Variants in PTPRM observed in about 807,000 individuals in gnomAD.
PTPRM encodes protein tyrosine phosphatase receptor type M.
In PTPRM, 47 loss-of-function variants were observed where a neutral mutation model predicts 186.7. That is an observed-to-expected ratio of 0.25 (90% confidence interval 0.20 to 0.32). The LOEUF (loss-of-function observed/expected upper bound fraction) is 0.32, where lower values mean the gene tolerates loss of function less well. PTPRM is among the 10% of genes least tolerant of loss of function. PTPRM has a pLI of 1.00. For synonymous variants in PTPRM, 668 were observed against 674.9 expected (o/e 0.99, Z 0.16); for missense variants, 1,494 against 1,865.0 (o/e 0.80, Z 3.66).
In PTPRM at chr18:8,252,947, T is replaced by C. The variant is rs539768950; in HGVS notation, c.2567-280T>C. Among the ~76,000 whole-genome samples, 6 of 152,330 alleles carry C rather than the reference T, an allele frequency of 3.9e-5. No individual in the cohort carries two copies. The South Asian group carries it at 1.2e-3, about 32-fold the overall frequency. Reference sequence around the variant, plus strand: ...GTTTCAGGTTGAAACTTTCACAAACTTTAGCACTGGAAGGCTAAAGGGCTC... The same window carrying C: ...GTTTCAGGTTGAAACTTTCACAAACCTTAGCACTGGAAGGCTAAAGGGCTC... On this transcript the variant is annotated intron_variant, in intron 18 of 32. Transcript: ENST00000580170.
chr18:7,638,627 T>A (rs1267300331), intron 1 of PTPRM, among the ~76,000 whole-genome samples: 1 of 152,236 alleles, frequency 6.6e-6, no homozygotes, highest in African/African-American at 2.4e-5. Flanking sequence ...AAACATGAAG[T>A]ACTACATCAC....
intron 1 of PTPRM, among the ~76,000 whole-genome samples, chr18:7,727,262 G>T (rs2040568301): frequency 6.6e-6 from 1 of 152,098 alleles, no homozygotes. Context: ...GTGATCTAAG[G>T]ATCACCTCTG....
At chr18:8,023,934 A>C (rs1568203537) in intron 7 of PTPRM, among the ~76,000 whole-genome samples, 1 of 151,676 alleles carries the variant, frequency 6.6e-6, no homozygotes, top group Non-Finnish European at 1.5e-5. Flanking sequence ...TTAATGAGTC[A>C]TTTTGAAATA....
intron 1 of PTPRM, among the ~76,000 whole-genome samples, chr18:7,663,389 A>G (rs1214857373): frequency 6.6e-6 from 1 of 152,228 alleles, no homozygotes; most frequent in East Asian, 1.9e-4. Context: ...CTGGGAATAC[A>G]GCAGTGAACA....
intron 19 of PTPRM, among the ~76,000 whole-genome samples, chr18:8,292,955 G>C (rs1266015738): frequency 6.6e-6 from 1 of 152,186 alleles, no homozygotes; most frequent in Non-Finnish European, 1.5e-5. Flanking sequence ...AGTGGATAAA[G>C]AGTCAGAAAA....
rs1598497227 is a variant in PTPRM at position 8,376,549 on chromosome 18, C to T, written c.3414C>T (p.Asn1138=). 1.1e-5 allele frequency: 18 copies of T among 1,613,982 alleles called. No homozygotes were observed. The East Asian group carries it at 4.0e-4, about 36-fold the overall frequency. ...GGGAAGGGGTCGTAGACATCTACAA[C>T]TGCGTCAGGGAGCTGCGGTCACGGA... ...AEREGVVDIY[N]CVRELRSRRV... The change falls in exon 26 of 33, where the codon AAC becomes AAT. Residue 1138 remains asparagine, a synonymous_variant. Coordinates refer to ENST00000580170, the MANE Select transcript of PTPRM (RefSeq NM_001105244.2).
chr18:7,676,635 GTGTGTGTGTGTGTGTGTGTGTGTGTGTA>G (rs1233216554), intron 1 of PTPRM, among the ~76,000 whole-genome samples: 5 of 136,308 alleles, frequency 3.7e-5, no homozygotes, highest in East Asian at 2.2e-4. Flanking sequence ...AGCTGTGTGT[GTGTGTGTGTGTGTGTGTGTGTGTGTGTA>G]TGTGTGTGTG....
chr18:8,401,354 T>C (rs2095871168), intron 32 of PTPRM, among the ~76,000 whole-genome samples: 1 of 152,194 alleles, frequency 6.6e-6, no homozygotes, highest in African/African-American at 2.4e-5. Flanking sequence ...TCCAGGGACA[T>C]GCTGCTGTCT....
intron 2 of PTPRM, among the ~76,000 whole-genome samples, chr18:7,833,336 G>A (rs1734287953): frequency 6.6e-6 from 1 of 151,920 alleles, no homozygotes; most frequent in Non-Finnish European, 1.5e-5. Flanking sequence ...TTCACTTTTT[G>A]GTTAGGTTAA....
chr18:8,287,403 A>C (rs1012120085), intron 19 of PTPRM, among the ~76,000 whole-genome samples: 3 of 152,206 alleles, frequency 2.0e-5, no homozygotes, highest in African/African-American at 7.2e-5. Flanking sequence ...AGACTTGCTC[A>C]GTTTTCAAAT....
chr18:7,912,076 T>G (rs1234932301), intron 4 of PTPRM, among the ~76,000 whole-genome samples: 3 of 152,104 alleles, frequency 2.0e-5, no homozygotes, highest in African/African-American at 7.2e-5. Flanking sequence ...GGTCTCCAAC[T>G]CTTGACCTCA....
At chr18:7,651,700 T>G (rs1028644614) in intron 1 of PTPRM, among the ~76,000 whole-genome samples, 2 of 152,268 alleles carry the variant, frequency 1.3e-5, no homozygotes, top group African/African-American at 2.4e-5. Flanking sequence ...GCTAGCCATA[T>G]GTAGAAAGCT....
intron 1 of PTPRM, among the ~76,000 whole-genome samples, chr18:7,571,338 A>G (rs1471586156): frequency 6.6e-6 from 1 of 152,216 alleles, no homozygotes; most frequent in Non-Finnish European, 1.5e-5. Context: ...ACTAAAAATA[A>G]CTGGTAAGAT....
chr18:8,110,789 G>A (rs951054850), intron 11 of PTPRM, among the ~76,000 whole-genome samples: 1 of 152,162 alleles, frequency 6.6e-6, no homozygotes, highest in East Asian at 1.9e-4. Flanking sequence ...AGGAATTGAG[G>A]TCAAAGCCAA....
At chr18:7,735,759 C>CT (rs2040755917) in intron 1 of PTPRM, among the ~76,000 whole-genome samples, 1 of 152,094 alleles carries the variant, frequency 6.6e-6, no homozygotes, top group Admixed American at 6.6e-5. Flanking sequence ...TCTATTCTTT[C>CT]TGAAGCCTGC....
chr18:8,336,000 T>A (rs1208896928), intron 22 of PTPRM, among the ~76,000 whole-genome samples: 2 of 151,296 alleles, frequency 1.3e-5, no homozygotes, highest in Non-Finnish European at 2.9e-5. Flanking sequence ...CCAGCCTGGG[T>A]GACAGAGAGA....
chr18:7,834,278 A>T lies in PTPRM; in HGVS notation c.197-53828A>T, dbSNP rs141365898. ...TCCTTGCATCCCATGGATAAAGCCC[A>T]CTTGGTCATGATGAATGATCTTTTT... On this transcript the variant is annotated intron_variant, in intron 2 of 32. Transcript: ENST00000580170. Among the ~76,000 whole-genome samples, 8 of 151,948 alleles carry T rather than the reference A, an allele frequency of 5.3e-5. No homozygotes were observed. In the East Asian group the frequency reaches 1.2e-3, roughly 22 times the overall value.
At chr18:7,911,337 G>A (rs1443574062) in intron 4 of PTPRM, among the ~76,000 whole-genome samples, 1 of 152,062 alleles carries the variant, frequency 6.6e-6, no homozygotes, top group Non-Finnish European at 1.5e-5. Flanking sequence ...TTTTAAATTG[G>A]CTGCACCATT....
chr18:7,834,491 T>TACACACACACAC (rs36162599), intron 2 of PTPRM, among the ~76,000 whole-genome samples: 10,125 of 84,502 alleles, frequency 0.12, 924 homozygotes, highest in Non-Finnish European at 0.16. Context: ...TATACAAGTA[T>TACACACACACAC]ACACACACAC....
Sources: gnomAD v4.1 joint callset for allele counts (sites outside exome capture counted in the v4.1 genomes callset) on GRCh38, gnomAD v4.1.1 for gene constraint, MANE v1.5 for transcripts, NCBI Gene and HGNC (gene_info 2026-07-23, HGNC 2026-07-21) for gene names.